UBR3: variants seen among roughly 807,000 people sequenced by gnomAD.
UBR3 encodes the protein E3 ubiquitin-protein ligase UBR3.
A neutral mutation model predicts 243.2 loss-of-function variants in UBR3; 85 were observed. The ratio of observed to expected loss-of-function variants is 0.35; its 90% CI spans 0.29 to 0.42. The LOEUF is 0.42. Ranked by LOEUF, UBR3 falls within the 10% of genes least tolerant of loss-of-function variation. UBR3 has a pLI of 1.00. For missense variants in UBR3, 1,686 were observed against 2,300.8 expected, an observed-to-expected ratio of 0.73 and a Z score of 5.47; for synonymous variants, 748 against 799.8, an observed-to-expected ratio of 0.94 and a Z score of 1.09.
At chr2:169,979,001 T>C (rs991589253) in intron 24 of UBR3, among the ~76,000 whole-genome samples, 6 of 152,130 alleles carry the variant, frequency 3.9e-5, no homozygotes, top group Admixed American at 3.3e-4. Flanking sequence ...AGAGGAAATA[T>C]TTGCAAAACA....
At chr2:170,001,938 A>AAAAAAAAAAAAG (rs1559175182) in intron 27 of UBR3, among the ~76,000 whole-genome samples, 13 of 130,122 alleles carry the variant, frequency 1.0e-4, no homozygotes, top group African/African-American at 4.3e-4. Context: ...AAAAAAAAAA[A>AAAAAAAAAAAAG]AAAAGAAAGA....
At chr2:169,980,654 A>T (rs1248486263) in intron 24 of UBR3, among the ~76,000 whole-genome samples, 1 of 151,424 alleles carries the variant, frequency 6.6e-6, no homozygotes, top group African/African-American at 2.4e-5. Flanking sequence ...TTTAGGGTAC[A>T]TGTGCACAAA....
At position 170,061,921 on chromosome 2, in the gene UBR3, A is replaced by T. The variant is rs1255314982; in HGVS notation, c.5019+478A>T. Reference sequence around the variant, plus strand: ...TTGTTGTATTTGTTAACATCCACCCATTTTTATGATAATATTACTAATATT... The same window carrying T: ...TTGTTGTATTTGTTAACATCCACCCTTTTTTATGATAATATTACTAATATT... On this transcript the variant is annotated intron_variant, in intron 35 of 38. Transcript: ENST00000272793. Among the ~76,000 whole-genome samples, 4 of 152,198 alleles carry T rather than the reference A, an allele frequency of 2.6e-5. No homozygotes were observed. The South Asian group carries it at 8.3e-4, about 32-fold the overall frequency.
intron 1 of UBR3, among the ~76,000 whole-genome samples, chr2:169,846,698 A>G (rs2105289486): frequency 6.6e-6 from 1 of 150,650 alleles, no homozygotes; most frequent in South Asian, 2.1e-4. Context: ...CAACAGGGCA[A>G]GACTCTGTCT....
At position 169,857,078 on chromosome 2, in the gene UBR3, T is replaced by G. The variant is rs1245250367; in HGVS notation, c.546-15158T>G. 6.3e-5 allele frequency among the ~76,000 whole-genome samples: 8 copies of G among 126,896 alleles called. 1 individual carries two copies. The highest frequency in any genetic ancestry group is 3.0e-4 in the South Asian group (1 of 3,340). The allele number at this position is 126,896 out of a possible 152,430, so 83.2% of individuals were successfully genotyped here. On this transcript the variant is annotated intron_variant, in intron 1 of 38. Coordinates refer to ENST00000272793, the MANE Select transcript of UBR3 (RefSeq NM_172070.4). Reference sequence around the variant, plus strand: ...AATTTTATTATGTTTTTTTTTTTTTTTTTTTTTTTTTTTGAGACGGAGTCT... The same window carrying G: ...AATTTTATTATGTTTTTTTTTTTTTGTTTTTTTTTTTTTGAGACGGAGTCT...
intron 1 of UBR3, among the ~76,000 whole-genome samples, chr2:169,846,786 G>A (rs1039539290): frequency 7.9e-5 from 12 of 151,986 alleles, no homozygotes; most frequent in South Asian, 2.1e-4. Flanking sequence ...AGGCTGGAGC[G>A]CAGTGGCACA....
chr2:169,828,455 A>C (rs1405980673), intron 1 of UBR3, among the ~76,000 whole-genome samples: 1 of 151,712 alleles, frequency 6.6e-6, no homozygotes, highest in African/African-American at 2.4e-5. Context: ...TGTGATTTGG[A>C]TTGGCTGGGA....
At chr2:169,893,979 C>A (rs941889010) in intron 6 of UBR3, among the ~76,000 whole-genome samples, 2 of 152,048 alleles carry the variant, frequency 1.3e-5, no homozygotes, top group Non-Finnish European at 2.9e-5. Context: ...TATTTTACCT[C>A]ATTTCTTGCA....
intron 31 of UBR3, among the ~76,000 whole-genome samples, chr2:170,032,442 A>G (rs1339246727): frequency 6.6e-6 from 1 of 152,064 alleles, no homozygotes; most frequent in Non-Finnish European, 1.5e-5. Flanking sequence ...ACCTATTCAG[A>G]TTTTGCCAGT....
intron 35 of UBR3, among the ~76,000 whole-genome samples, chr2:170,069,817 T>C (rs1226461563): frequency 1.3e-5 from 2 of 150,832 alleles, no homozygotes; most frequent in African/African-American, 2.4e-5. Flanking sequence ...GGGGATTTGT[T>C]CCCCCCCCAG....
rs934646208 is a variant in UBR3, at chr2:170,079,712, T to G, written c.5200-102T>G. On this transcript the variant is annotated intron_variant, in intron 36 of 38. Transcript: ENST00000272793. ...TTAATAAAGAAAATAAGCCACATTC[T>G]TGGAGGCAGATTTTTCTTTCTGTAA... 1.3e-5 allele frequency: 14 copies of G among 1,055,856 alleles called. No individual in the cohort carries two copies. In the African/African-American group the frequency reaches 2.1e-4, roughly 16 times the overall value. The allele number at this position is 1,055,856 out of a possible 1,614,324, so 65.4% of individuals were successfully genotyped here.
intron 18 of UBR3, among the ~76,000 whole-genome samples, chr2:169,931,022 G>T (rs530956749): frequency 5.3e-5 from 8 of 152,238 alleles, no homozygotes; most frequent in Non-Finnish European, 8.8e-5. Flanking sequence ...AAAAGCTTTG[G>T]CATGTTAATT....
chr2:169,857,098 G>A (rs112797849), intron 1 of UBR3, among the ~76,000 whole-genome samples: 2,846 of 50,178 alleles, frequency 0.057, 67 homozygotes, highest in Non-Finnish European at 0.082. Context: ...TTTTGAGACG[G>A]AGTCTTGTTC....
rs369305514 is a variant in UBR3 at position 169,950,620 on chromosome 2, A to C, written c.3545+555A>C. Among the ~76,000 whole-genome samples the C allele has an allele frequency of 2.4e-4, 35 of 145,878 alleles. No individual in the cohort carries two copies. In the South Asian group the frequency reaches 7.5e-3, roughly 31 times the overall value. On this transcript the variant is annotated intron_variant, in intron 23 of 38. Coordinates refer to ENST00000272793, the MANE Select transcript of UBR3 (RefSeq NM_172070.4). The stretch of plus-strand genomic sequence containing the variant: ...TTTTTTCATCTTTTGACTTTCTTGA[A>C]AAAAAAATGGGATTTTTTTAAAATC...
chr2:169,980,089 G>A (rs756084204), intron 24 of UBR3, among the ~76,000 whole-genome samples: 14 of 152,132 alleles, frequency 9.2e-5, no homozygotes, highest in South Asian at 2.1e-4. Context: ...TATAACCAGT[G>A]AATAAAAGTT....
At chr2:170,051,189 C>T (rs2091208923) in intron 32 of UBR3, among the ~76,000 whole-genome samples, 1 of 151,656 alleles carries the variant, frequency 6.6e-6, no homozygotes, top group Admixed American at 6.6e-5. Context: ...GGATGAGGAG[C>T]CCACAGGTAC....
At chr2:170,027,030 C>G (rs954251455) in intron 30 of UBR3, among the ~76,000 whole-genome samples, 1 of 151,762 alleles carries the variant, frequency 6.6e-6, no homozygotes, top group Non-Finnish European at 1.5e-5. Context: ...TTGGTCAGTT[C>G]CCTGAGACAG....
At chr2:170,072,537 C>T (rs1391958560) in intron 35 of UBR3, among the ~76,000 whole-genome samples, 2 of 152,032 alleles carry the variant, frequency 1.3e-5, no homozygotes, top group Non-Finnish European at 2.9e-5. Context: ...CTAACCTGCA[C>T]ATTGTGCACA....
At chr2:170,057,549 TAGTA>T (rs1436502323) in intron 33 of UBR3, among the ~76,000 whole-genome samples, 1 of 152,212 alleles carries the variant, frequency 6.6e-6, no homozygotes, top group Non-Finnish European at 1.5e-5. Flanking sequence ...AATGTTTCCT[TAGTA>T]AGCTGTCTAA....
Sources: gnomAD v4.1 joint callset for allele counts (sites outside exome capture counted in the v4.1 genomes callset) on GRCh38, gnomAD v4.1.1 for gene constraint, MANE v1.5 for transcripts, NCBI Gene and HGNC (gene_info 2026-07-23, HGNC 2026-07-21) for gene names.